Variants in ANKS1B observed in about 807,000 individuals in gnomAD.
The protein encoded by ANKS1B is ankyrin repeat and sterile alpha motif domain containing 1B, also known as ankyrin repeat and sterile alpha motif domain-containing protein 1B.
Under a neutral mutation model 148.3 loss-of-function variants are expected in ANKS1B, and 36 were observed. That is an observed-to-expected ratio of 0.24 (90% CI 0.19 to 0.32). The LOEUF (loss-of-function observed/expected upper bound fraction) is 0.32. Ranked by LOEUF, ANKS1B falls within the 10% of genes least tolerant of loss-of-function variation. The pLI, the probability that ANKS1B is intolerant of heterozygous loss-of-function variation, is 1.00. For missense variants in ANKS1B, 1,157 were observed against 1,542.6 expected (o/e 0.75, Z 4.19); for synonymous variants, 542 against 560.8 (o/e 0.97, Z 0.47).
intron 8 of ANKS1B, among the ~76,000 whole-genome samples, chr12:99,755,282 C>A (rs937191042): frequency 2.6e-5 from 4 of 151,942 alleles, no homozygotes; most frequent in Non-Finnish European, 5.9e-5. Flanking sequence ...CACATATACC[C>A]TCCCAAGACT....
At chr12:98,809,576 C>T (rs2099078020) in intron 19 of ANKS1B, among the ~76,000 whole-genome samples, 1 of 152,156 alleles carries the variant, frequency 6.6e-6, no homozygotes, top group Non-Finnish European at 1.5e-5. Flanking sequence ...TCAGGTCACA[C>T]AGGTGAGTGG....
At chr12:99,378,142 C>T (rs1419705649) in intron 12 of ANKS1B, among the ~76,000 whole-genome samples, 1 of 152,176 alleles carries the variant, frequency 6.6e-6, no homozygotes, top group Non-Finnish European at 1.5e-5. Flanking sequence ...CTCTGAGGAT[C>T]TTAAAAACAT....
chr12:98,945,683 C>A (rs926341371), intron 17 of ANKS1B, among the ~76,000 whole-genome samples: 4 of 152,024 alleles, frequency 2.6e-5, no homozygotes, highest in Non-Finnish European at 4.4e-5. Context: ...GTTTTGCATT[C>A]ATTCCTCAAT....
intron 12 of ANKS1B, among the ~76,000 whole-genome samples, chr12:99,378,042 A>G (rs1169574059): frequency 1.3e-5 from 2 of 152,230 alleles, no homozygotes; most frequent in Non-Finnish European, 2.9e-5. Context: ...TCAAAGATCA[A>G]ATCCAGGGTG....
At chr12:99,351,257 C>T (rs1252938554) in intron 12 of ANKS1B, among the ~76,000 whole-genome samples, 3 of 151,932 alleles carry the variant, frequency 2.0e-5, no homozygotes, top group Non-Finnish European at 4.4e-5. Context: ...ACAGGTTTTA[C>T]GATGATCAAC....
intron 17 of ANKS1B, chr12:98,954,298 T>C (rs182485263): frequency 5.9e-5 from 9 of 152,376 alleles, no homozygotes; most frequent in Non-Finnish European, 1.0e-4. Flanking sequence ...AGTAGGTGCT[T>C]ACTAAATAGA....
At chr12:99,822,817 G>A (rs977894971) in intron 2 of ANKS1B, among the ~76,000 whole-genome samples, 2 of 152,168 alleles carry the variant, frequency 1.3e-5, no homozygotes, top group African/African-American at 4.8e-5. Context: ...TAATGGGAAT[G>A]CTGGGTAGAA....
At chr12:99,114,759 A>T (rs985263227) in intron 15 of ANKS1B, among the ~76,000 whole-genome samples, 5 of 152,152 alleles carry the variant, frequency 3.3e-5, no homozygotes, top group African/African-American at 1.2e-4. Context: ...CTCAAAAAAA[A>T]AAAGAACTTA....
At chr12:99,740,283 C>G (rs2059968654) in intron 8 of ANKS1B, among the ~76,000 whole-genome samples, 1 of 151,866 alleles carries the variant, frequency 6.6e-6, no homozygotes, top group Non-Finnish European at 1.5e-5. Context: ...GTACTCCAGC[C>G]TGGTTAACAG....
chr12:99,632,727 C>CTAGATATATATATATATATATATATATA, intron 9 of ANKS1B, among the ~76,000 whole-genome samples: 1 of 39,052 alleles, frequency 2.6e-5, no homozygotes, highest in Admixed American at 3.6e-4. Flanking sequence ...CCTTTTCTTT[C>CTAGATATATATATATATATATATATATA]TATATATATA....
chr12:99,752,342 T>C (rs1300520634), intron 8 of ANKS1B, among the ~76,000 whole-genome samples: 1 of 152,010 alleles, frequency 6.6e-6, no homozygotes, highest in African/African-American at 2.4e-5. Context: ...TAATACACTT[T>C]ACCACCCTGT....
intron 12 of ANKS1B, among the ~76,000 whole-genome samples, chr12:99,336,948 C>G (rs370897941): frequency 7.2e-4 from 109 of 151,984 alleles, no homozygotes; most frequent in Admixed American, 2.4e-3. Flanking sequence ...TTACATTTGG[C>G]CTTTGGGAGT....
intron 1 of ANKS1B, among the ~76,000 whole-genome samples, chr12:99,941,810 A>G (rs1028199206): frequency 6.6e-6 from 1 of 152,178 alleles, no homozygotes; most frequent in East Asian, 1.9e-4. Flanking sequence ...TAAATGAAGA[A>G]AGGGAGAAGT....
chr12:98,802,681 C>G (rs1004830561), intron 20 of ANKS1B, among the ~76,000 whole-genome samples: 1 of 124,904 alleles, frequency 8.0e-6, no homozygotes. Context: ...CACTTCGACT[C>G]GCAGAAGAGC....
chr12:99,289,992 T>G (rs1410102346), intron 12 of ANKS1B, among the ~76,000 whole-genome samples: 3 of 151,678 alleles, frequency 2.0e-5, no homozygotes, highest in African/African-American at 7.3e-5. Flanking sequence ...AAAAGTTGGT[T>G]TTTTGAAAAG....
chr12:99,627,211 CATTTT>C (rs1189078967), intron 9 of ANKS1B, among the ~76,000 whole-genome samples: 1 of 152,086 alleles, frequency 6.6e-6, no homozygotes, highest in East Asian at 1.9e-4. Context: ...AACAACATAA[CATTTT>C]ATTAATACAC....
chr12:99,202,746 T>C (rs1198207016), intron 14 of ANKS1B, among the ~76,000 whole-genome samples: 1 of 152,244 alleles, frequency 6.6e-6, no homozygotes, highest in Admixed American at 6.5e-5. Flanking sequence ...CTTTATTTCC[T>C]TGTGATATTA....
intron 10 of ANKS1B, among the ~76,000 whole-genome samples, chr12:99,470,084 A>G (rs1002262172): frequency 7.9e-5 from 12 of 151,780 alleles, no homozygotes; most frequent in African/African-American, 2.9e-4. Flanking sequence ...ATCCCACTGC[A>G]CTCCAGCCTA....
intron 17 of ANKS1B, among the ~76,000 whole-genome samples, chr12:98,841,928 C>T (rs2099408914): frequency 6.6e-6 from 1 of 151,900 alleles, no homozygotes; most frequent in Non-Finnish European, 1.5e-5. Context: ...GACCCTACCT[C>T]GGATGATAAG....
Sources: allele counts gnomAD v4.1 joint callset (sites outside exome capture counted in the v4.1 genomes callset), GRCh38; gene constraint gnomAD v4.1.1; transcripts MANE v1.5; gene names NCBI Gene and HGNC (gene_info 2026-07-23, HGNC 2026-07-21).